The following SORL1 variants were observed in gnomAD, a reference collection of about 807,000 sequenced individuals.
SORL1 encodes sortilin-related receptor.
SORL1 carries 127 observed loss-of-function variants against 273.7 expected under a neutral mutation model. The ratio of observed to expected loss-of-function variants is 0.46; its 90% CI spans 0.40 to 0.54. The LOEUF (loss-of-function observed/expected upper bound fraction) is 0.54, where lower values mean the gene tolerates loss of function less well. SORL1 is among the 20% of genes least tolerant of loss of function. SORL1 has a pLI of 0.00. For synonymous variants in SORL1, 1,031 were observed against 1,067.4 expected (o/e 0.97, Z 0.66); for missense variants, 2,494 against 2,846.1 (o/e 0.88, Z 2.81).
chr11:121,506,862 T>G (rs118132962), intron 6 of SORL1, among the ~76,000 whole-genome samples: 2,398 of 152,274 alleles, frequency 0.016, 25 homozygotes, highest in Non-Finnish European at 0.025. Context: ...CCTGATAAAT[T>G]TTTTTTGGAT....
At chr11:121,551,565 C>T (rs1345480750) in intron 16 of SORL1, among the ~76,000 whole-genome samples, 1 of 152,172 alleles carries the variant, frequency 6.6e-6, no homozygotes, top group Non-Finnish European at 1.5e-5. Flanking sequence ...TCCCTCTGTG[C>T]CCTCTTTCCT....
rs1454818702 is a variant in SORL1 at position 121,596,282 on chromosome 11, C to A, written c.4519+510C>A. On this transcript the variant is annotated intron_variant, in intron 32 of 47. Coordinates refer to ENST00000260197, the MANE Select transcript of SORL1 (RefSeq NM_003105.6). The surrounding 1 kb of genome is among the most constrained non-coding windows in gnomAD (Gnocchi z 4.3). The stretch of plus-strand genomic sequence containing the variant: ...ACATGGGGAATAATCACAGGGCCAT[C>A]TGAGCCCAGTGTGAGGTGATGCATG... Among the ~76,000 whole-genome samples, 1 of 152,174 alleles carries A rather than the reference C, an allele frequency of 6.6e-6. No homozygotes were observed. Among genetic ancestry groups the A allele is most frequent in the Non-Finnish European group, 1.5e-5 (1 of 68,028 alleles).
intron 11 of SORL1, among the ~76,000 whole-genome samples, chr11:121,524,367 G>A (rs1000294577): frequency 1.3e-5 from 2 of 152,202 alleles, no homozygotes; most frequent in African/African-American, 4.8e-5. Flanking sequence ...AAGTGGTATC[G>A]TCTGGTGATT....
chr11:121,595,515 C>G lies in SORL1; in HGVS notation c.4370-108C>G. The G allele has an allele frequency of 1.0e-6, 1 of 995,578 alleles. No homozygotes were observed. Among genetic ancestry groups the G allele is most frequent in the Non-Finnish European group, 1.5e-6 (1 of 665,078 alleles). 61.7% of individuals were successfully genotyped at this position (995,578 alleles called of 1,614,324 possible). On this transcript the variant is annotated intron_variant, in intron 31 of 47. Transcript: ENST00000260197. The surrounding 1 kb of genome is among the most constrained non-coding windows in gnomAD (Gnocchi z 5.1). ...GGAACTCGCATTTGTCTTCAGGTTC[C>G]CATTGTAATTTCTAAAGCACCGTAA... is the stretch of plus-strand genomic sequence containing the variant.
chr11:121,463,331 C>T (rs1861031907), intron 1 of SORL1, among the ~76,000 whole-genome samples: 1 of 151,828 alleles, frequency 6.6e-6, no homozygotes, highest in Non-Finnish European at 1.5e-5. Context: ...TCCACAGTTT[C>T]TTTTTAGTAG....
chr11:121,506,019 A>G (rs1393273350), intron 6 of SORL1, among the ~76,000 whole-genome samples: 2 of 152,162 alleles, frequency 1.3e-5, no homozygotes, highest in Non-Finnish European at 2.9e-5. Flanking sequence ...CTTGTTCTAT[A>G]TTGAAGGTGG....
chr11:121,585,415 G>A (rs967503235), intron 26 of SORL1, among the ~76,000 whole-genome samples: 6 of 151,862 alleles, frequency 4.0e-5, no homozygotes, highest in African/African-American at 1.5e-4. Context: ...CACGGGAGGT[G>A]GAGGCTGCAG....
Position 121,618,872 on chromosome 11 carries a change from G to A in SORL1, c.5703G>A (p.Lys1901=), listed in dbSNP as rs771157753. Reference sequence around the variant, plus strand: ...ACAACAAGACGGTCATTGTCAGTAAGGATGAGCAGTATTTGTTTCTGGTAA... The same window carrying A: ...ACAACAAGACGGTCATTGTCAGTAAAGATGAGCAGTATTTGTTTCTGGTAA... ...SLHNKTVIVS[K]DEQYLFLVRV... The change falls in exon 42 of 48, where the codon AAG becomes AAA. Residue 1901 remains lysine, a synonymous_variant. Coordinates refer to ENST00000260197, the MANE Select transcript of SORL1 (RefSeq NM_003105.6). 3.7e-6 allele frequency: 6 copies of A among 1,614,132 alleles called. No homozygotes were observed. Among genetic ancestry groups the A allele is most frequent in the Non-Finnish European group, 5.1e-6 (6 of 1,179,994 alleles).
chr11:121,452,868 T>G lies in SORL1; in HGVS notation c.285+252T>G. The G allele has an allele frequency of 2.4e-6, 1 of 413,430 alleles. No individual in the cohort carries two copies. The highest frequency in any genetic ancestry group is 4.3e-6 in the Non-Finnish European group (1 of 233,556). 25.6% of individuals were successfully genotyped at this position (413,430 alleles called of 1,614,324 possible). ...GCAGTGCGTATTACCCCAGGGTGTGTGCAGAGAGATGTAGTTTCCGGCAGG... is the reference window on the plus strand; with the variant it reads ...GCAGTGCGTATTACCCCAGGGTGTGGGCAGAGAGATGTAGTTTCCGGCAGG... On this transcript the variant is annotated intron_variant, in intron 1 of 47. Transcript: ENST00000260197. This position sits in a 1 kb window ranked among gnomAD's most constrained non-coding sequence, Gnocchi z 5.3.
intron 6 of SORL1, 82 bp from the exon 7 acceptor site, chr11:121,512,921 G>T: frequency 2.1e-6 from 2 of 930,684 alleles, no homozygotes; most frequent in South Asian, 1.4e-5. Flanking sequence ...GGAAGAATCT[G>T]ACTCTTCTAT....
rs920580716 is a variant in SORL1 at position 121,595,604 on chromosome 11, T to A, written c.4370-19T>A. 1.0e-5 allele frequency: 16 copies of A among 1,551,228 alleles called. No homozygotes were observed. Among genetic ancestry groups the A allele is most frequent in the African/African-American group, 2.7e-5 (2 of 72,990 alleles). On this transcript the variant is annotated intron_variant, in intron 31 of 47. Coordinates refer to ENST00000260197, the MANE Select transcript of SORL1 (RefSeq NM_003105.6). The surrounding 1 kb of genome is among the most constrained non-coding windows in gnomAD (Gnocchi z 5.1). ...TCCCTCAATATTAAAAAGTAAATTT[T>A]AAAAATCTTTTATTTTAGCAAACGT...
At position 121,588,132 on chromosome 11, in the gene SORL1, T is replaced by C. The variant is rs1863149077; in HGVS notation, c.3927T>C (p.Asp1309=). 6.2e-7 allele frequency: 1 copy of C among 1,613,348 alleles called. No homozygotes were observed. ...IIQCRDGSDE[D]AAFAGCSQDP... Reference sequence around the variant, plus strand: ...AGTGCCGCGACGGGTCCGATGAGGATGCGGCGTTTGCAGGATGCTGTGAGT... The same window carrying C: ...AGTGCCGCGACGGGTCCGATGAGGACGCGGCGTTTGCAGGATGCTGTGAGT... Residue 1309 remains aspartate (D), a synonymous_variant, in exon 28 of 48, where the codon GAT becomes GAC. Coordinates refer to ENST00000260197, the MANE Select transcript of SORL1 (RefSeq NM_003105.6).
At chr11:121,517,086 T>C (rs1861965579) in intron 8 of SORL1, among the ~76,000 whole-genome samples, 1 of 152,092 alleles carries the variant, frequency 6.6e-6, no homozygotes, top group East Asian at 1.9e-4. Context: ...GTGAAATGTA[T>C]ATAACATCAG....
rs1262270272 is a variant in SORL1 at position 121,595,588 on chromosome 11, A to G, written c.4370-35A>G. On this transcript the variant is annotated intron_variant, in intron 31 of 47. Coordinates refer to ENST00000260197, the MANE Select transcript of SORL1 (RefSeq NM_003105.6). The surrounding 1 kb of genome is among the most constrained non-coding windows in gnomAD (Gnocchi z 5.1). ...GCTGTTATTGGCCAGCTCCCTCAAT[A>G]TTAAAAAGTAAATTTTAAAAATCTT... is the stretch of plus-strand genomic sequence containing the variant. The G allele has an allele frequency of 1.3e-6, 2 of 1,540,984 alleles. No individual in the cohort carries two copies. The highest frequency in any genetic ancestry group is 1.8e-6 in the Non-Finnish European group (2 of 1,142,742).
rs189270091 is a variant in SORL1 at position 121,550,017 on chromosome 11, G to A, written c.2109G>A (p.Pro703=). 4.3e-6 allele frequency: 7 copies of A among 1,613,664 alleles called. No individual in the cohort carries two copies. In the Admixed American group the frequency reaches 5.0e-5, roughly 12 times the overall value. ...CATTAGAGGTTTGTGTTCCAGATCC[G>A]GAATTTTCTGGAAAGTCATACTCCC... ...DLSLEVCVPD[P]EFSGKSYSPP... The change falls in exon 15 of 48, where the codon CCG becomes CCA. Residue 703 remains proline (P), a synonymous_variant. Transcript: ENST00000260197. This position sits in a 1 kb window ranked among gnomAD's most constrained non-coding sequence, Gnocchi z 5.3.
chr11:121,459,053 GCGTCCTGGACCCTC>G (rs1386551583), intron 1 of SORL1, among the ~76,000 whole-genome samples: 1 of 152,150 alleles, frequency 6.6e-6, no homozygotes, highest in African/African-American at 2.4e-5. Flanking sequence ...CTTCCTGGCC[GCGTCCTGGACCCTC>G]CGATGTGGCA....
At chr11:121,477,964 A>C (rs952543849) in intron 2 of SORL1, among the ~76,000 whole-genome samples, 154 bp from the exon 3 acceptor site, 4 of 150,550 alleles carry the variant, frequency 2.7e-5, no homozygotes, top group African/African-American at 9.8e-5. Flanking sequence ...CCCGGGAGGC[A>C]GAGGTTGCAG....
chr11:121,629,446 C>A, intron 47 of SORL1, 50 bp from the exon 48 acceptor site: 1 of 909,562 alleles, frequency 1.1e-6, no homozygotes, highest in Non-Finnish European at 1.9e-6. Context: ...GATATGGGGT[C>A]AGGTGAAAAT....
At chr11:121,528,452 G>A (rs540138314) in intron 11 of SORL1, among the ~76,000 whole-genome samples, 4 of 152,026 alleles carry the variant, frequency 2.6e-5, no homozygotes, top group South Asian at 2.1e-4. Context: ...GAGCAAGACC[G>A]GGTCTCAAAA....
Sources: allele counts gnomAD v4.1 joint callset (sites outside exome capture counted in the v4.1 genomes callset), GRCh38; gene constraint gnomAD v4.1.1; non-coding constraint Gnocchi (gnomAD v3.1); transcripts MANE v1.5; gene names NCBI Gene and HGNC (gene_info 2026-07-23, HGNC 2026-07-21).